ZNF521: variants seen among roughly 807,000 people sequenced by gnomAD.
ZNF521 encodes the protein zinc finger protein 521.
In ZNF521, 14 loss-of-function variants were observed where a neutral mutation model predicts 105.5. The observed-to-expected ratio is 0.13, with a 90% CI of 0.09 to 0.21. ZNF521 has a LOEUF of 0.21. Among genes scored for constraint, ZNF521 ranks in the 10% least tolerant of loss-of-function variants. The pLI, the probability that ZNF521 is intolerant of heterozygous loss-of-function variation, is 1.00. For synonymous variants in ZNF521, 635 were observed against 606.0 expected, an observed-to-expected ratio of 1.05 and a Z score of -0.70; for missense variants, 1,233 against 1,629.7, an observed-to-expected ratio of 0.76 and a Z score of 4.19.
At chr18:25,311,652 C>T (rs1241925814) in intron 3 of ZNF521, among the ~76,000 whole-genome samples, 1 of 152,152 alleles carries the variant, frequency 6.6e-6, no homozygotes, top group Non-Finnish European at 1.5e-5. Flanking sequence ...TCCACACGGA[C>T]AAACTGACAG....
intron 5 of ZNF521, among the ~76,000 whole-genome samples, chr18:25,137,157 AC>A (rs1344934112): frequency 6.6e-6 from 1 of 152,130 alleles, no homozygotes; most frequent in Non-Finnish European, 1.5e-5. Context: ...AAAATCTATA[AC>A]CCTTCTTGCT....
At chr18:25,112,774 A>G (rs1317813557) in intron 5 of ZNF521, among the ~76,000 whole-genome samples, 1 of 152,140 alleles carries the variant, frequency 6.6e-6, no homozygotes, top group Non-Finnish European at 1.5e-5. Context: ...ACTTGGTTGC[A>G]CTTCTTTCAC....
At chr18:25,107,770 T>C (rs1435215615) in intron 5 of ZNF521, among the ~76,000 whole-genome samples, 1 of 152,220 alleles carries the variant, frequency 6.6e-6, no homozygotes, top group Non-Finnish European at 1.5e-5. Context: ...GGTCTGCTGG[T>C]TCCCCTATCT....
chr18:25,102,491 G>C (rs2033986468), intron 5 of ZNF521, among the ~76,000 whole-genome samples: 1 of 151,536 alleles, frequency 6.6e-6, no homozygotes, highest in South Asian at 2.1e-4. Context: ...TTTTTTAAAA[G>C]ATGAGAAAAT....
intron 5 of ZNF521, among the ~76,000 whole-genome samples, chr18:25,102,018 AAAAT>A (rs1420699711): frequency 6.6e-6 from 1 of 152,334 alleles, no homozygotes; most frequent in East Asian, 1.9e-4. Flanking sequence ...ACTTAAAAGA[AAAAT>A]AAATGTACAG....
At chr18:25,145,903 T>C (rs963789735) in intron 5 of ZNF521, among the ~76,000 whole-genome samples, 1 of 152,174 alleles carries the variant, frequency 6.6e-6, no homozygotes, top group African/African-American at 2.4e-5. Context: ...GCTTAGAAAG[T>C]GGAAATGAAA....
At chr18:25,177,226 TATCTTTCCCTGAACTGAA>T (rs1195467377) in intron 5 of ZNF521, among the ~76,000 whole-genome samples, 2 of 151,870 alleles carry the variant, frequency 1.3e-5, no homozygotes, top group African/African-American at 2.4e-5. Flanking sequence ...CAGGGGAGAG[TATCTTTCCCTGAACTGAA>T]GAGATCAAGC....
intron 5 of ZNF521, among the ~76,000 whole-genome samples, chr18:25,116,981 A>G (rs12967330): frequency 6.9e-6 from 1 of 145,866 alleles, no homozygotes; most frequent in Admixed American, 7.0e-5. Context: ...ATGTATATAT[A>G]TATACACACA....
intron 2 of ZNF521, among the ~76,000 whole-genome samples, chr18:25,330,952 C>A (rs1444385280): frequency 6.6e-6 from 1 of 152,150 alleles, no homozygotes; most frequent in Non-Finnish European, 1.5e-5. Context: ...GAAAAAAGTA[C>A]CCTGCTGAAG....
chr18:25,258,244 G>A (rs758726195), intron 3 of ZNF521, among the ~76,000 whole-genome samples: 2 of 152,140 alleles, frequency 1.3e-5, no homozygotes, highest in Admixed American at 6.6e-5. Flanking sequence ...TTGACGATAA[G>A]GTTTGGATAA....
intron 3 of ZNF521, among the ~76,000 whole-genome samples, chr18:25,307,976 C>A (rs747726833): frequency 6.6e-6 from 1 of 151,850 alleles, no homozygotes; most frequent in African/African-American, 2.4e-5. Flanking sequence ...CCAAGGTGGG[C>A]GGATCACCTG....
intron 3 of ZNF521, among the ~76,000 whole-genome samples, chr18:25,254,353 C>T (rs1290967824): frequency 6.6e-6 from 1 of 152,118 alleles, no homozygotes; most frequent in Non-Finnish European, 1.5e-5. Context: ...TAGGGCCAAA[C>T]TACATCAACC....
intron 3 of ZNF521, among the ~76,000 whole-genome samples, chr18:25,261,174 C>T (rs1197621279): frequency 6.6e-6 from 1 of 152,106 alleles, no homozygotes; most frequent in African/African-American, 2.4e-5. Flanking sequence ...TGCATCAGAG[C>T]ACCTCCAGTT....
At chr18:25,163,846 T>G (rs1290062752) in intron 5 of ZNF521, among the ~76,000 whole-genome samples, 1 of 152,164 alleles carries the variant, frequency 6.6e-6, no homozygotes, top group Non-Finnish European at 1.5e-5. Flanking sequence ...CCTCGCGACA[T>G]ATCAGAAGGT....
intron 2 of ZNF521, among the ~76,000 whole-genome samples, chr18:25,350,322 T>A (rs947232983): frequency 6.6e-6 from 1 of 151,404 alleles, no homozygotes; most frequent in East Asian, 2.0e-4. Context: ...CGGGGTCCGG[T>A]GCCCGCGGCC....
At chr18:25,188,875 G>A (rs572857420) in intron 5 of ZNF521, among the ~76,000 whole-genome samples, 2 of 152,160 alleles carry the variant, frequency 1.3e-5, no homozygotes, top group Non-Finnish European at 2.9e-5. Context: ...CTGAATCTTC[G>A]ATCTATGGCC....
intron 2 of ZNF521, among the ~76,000 whole-genome samples, chr18:25,341,561 A>G (rs1481323199): frequency 6.6e-6 from 1 of 152,230 alleles, no homozygotes; most frequent in Non-Finnish European, 1.5e-5. Context: ...TAAAAGTTCT[A>G]TATATTGTGC....
chr18:25,095,417 C>T (rs555956392), intron 5 of ZNF521, among the ~76,000 whole-genome samples: 1 of 152,086 alleles, frequency 6.6e-6, no homozygotes, highest in Non-Finnish European at 1.5e-5. Context: ...GATTCAGAGT[C>T]AATTGATTTA....
At chr18:25,327,286 T>C in intron 2 of ZNF521, 2 of 269,326 alleles carry the variant, frequency 7.4e-6, no homozygotes, top group South Asian at 1.3e-4. Flanking sequence ...AAGTAATGCA[T>C]TCCACACCAA....
Sources: gnomAD v4.1 joint callset for allele counts (sites outside exome capture counted in the v4.1 genomes callset) on GRCh38, gnomAD v4.1.1 for gene constraint, MANE v1.5 for transcripts, NCBI Gene and HGNC (gene_info 2026-07-23, HGNC 2026-07-21) for gene names.